The following WDR72 variants were observed in gnomAD, a reference collection of about 807,000 sequenced individuals.
WDR72 encodes the protein WD repeat-containing protein 72.
WDR72 carries 120 observed loss-of-function variants against 124.2 expected under a neutral mutation model. That is an observed-to-expected ratio of 0.97 (90% confidence interval 0.83 to 1.12). The LOEUF is 1.12. WDR72 is among the 50% of genes most tolerant of loss of function. WDR72 has a pLI of 0.00. For missense variants in WDR72, 1,387 were observed against 1,278.8 expected, an observed-to-expected ratio of 1.08 and a Z score of -1.29; for synonymous variants, 452 against 441.7, an observed-to-expected ratio of 1.02 and a Z score of -0.29.
chr15:53,590,693 A>T (rs962084692), intron 18 of WDR72, among the ~76,000 whole-genome samples: 1 of 152,050 alleles, frequency 6.6e-6, no homozygotes, highest in African/African-American at 2.4e-5. Context: ...CCGCTCTGCC[A>T]CTTGTTGGAA....
chr15:53,749,074 G>A (rs74015923), intron 1 of WDR72, among the ~76,000 whole-genome samples: 2,247 of 152,250 alleles, frequency 0.015, 50 homozygotes, highest in African/African-American at 0.051. Flanking sequence ...AGAGTGTCCA[G>A]GGAGGGAGCA....
intron 14 of WDR72, among the ~76,000 whole-genome samples, chr15:53,654,522 T>G (rs2015349025): frequency 6.6e-6 from 1 of 152,198 alleles, no homozygotes; most frequent in Admixed American, 6.5e-5. Context: ...CGTAGAACAT[T>G]AGATGAAGGC....
At chr15:53,546,336 A>C (rs934101990) in intron 18 of WDR72, among the ~76,000 whole-genome samples, 1 of 152,110 alleles carries the variant, frequency 6.6e-6, no homozygotes, top group Non-Finnish European at 1.5e-5. Flanking sequence ...ATGCAGCCAT[A>C]AATAATGATG....
chr15:53,657,422 G>A (rs1012831511), intron 14 of WDR72, among the ~76,000 whole-genome samples: 2 of 151,822 alleles, frequency 1.3e-5, no homozygotes, highest in Admixed American at 1.3e-4. Context: ...GTAAATGAAG[G>A]CAAATGTAAA....
intron 14 of WDR72, among the ~76,000 whole-genome samples, chr15:53,663,499 A>G: frequency 6.6e-6 from 1 of 152,336 alleles, no homozygotes; most frequent in South Asian, 2.1e-4. Context: ...ATCTATATAT[A>G]TTATTACCAC....
intron 14 of WDR72, among the ~76,000 whole-genome samples, chr15:53,632,809 G>A (rs72747342): frequency 0.047 from 7,138 of 152,348 alleles, 283 homozygotes; most frequent in Non-Finnish European, 0.062. Context: ...ACTTGTATGG[G>A]ACCCGTAGTC....
chr15:53,718,133 A>C (rs1301150777), intron 3 of WDR72, among the ~76,000 whole-genome samples: 1 of 152,156 alleles, frequency 6.6e-6, no homozygotes, highest in African/African-American at 2.4e-5. Context: ...ATGCATCAAC[A>C]ACCACCTGAT....
At chr15:53,588,494 T>C (rs1309480811) in intron 18 of WDR72, among the ~76,000 whole-genome samples, 1 of 151,996 alleles carries the variant, frequency 6.6e-6, no homozygotes, top group African/African-American at 2.4e-5. Flanking sequence ...GTTATTCAAA[T>C]TGTTCCAAGG....
At chr15:53,595,035 C>T (rs2012705983) in intron 18 of WDR72, among the ~76,000 whole-genome samples, 1 of 151,960 alleles carries the variant, frequency 6.6e-6, no homozygotes, top group Non-Finnish European at 1.5e-5. Flanking sequence ...GGTAATATTT[C>T]TGAAAATAAT....
chr15:53,690,507 GAT>G (rs2016803759), intron 13 of WDR72, among the ~76,000 whole-genome samples: 1 of 152,038 alleles, frequency 6.6e-6, no homozygotes, highest in African/African-American at 2.4e-5. Context: ...GCCTTTTTTG[GAT>G]ATGTCATATA....
chr15:53,732,668 T>A (rs1456610567), intron 2 of WDR72, among the ~76,000 whole-genome samples: 1 of 152,204 alleles, frequency 6.6e-6, no homozygotes, highest in Non-Finnish European at 1.5e-5. Flanking sequence ...TGAGCCATAA[T>A]TTTTAAAATT....
chr15:53,541,415 G>A (rs1173771618), intron 18 of WDR72, among the ~76,000 whole-genome samples: 1 of 151,628 alleles, frequency 6.6e-6, no homozygotes, highest in African/African-American at 2.4e-5. Context: ...TATTCCAACA[G>A]ACCTGCAGCT....
intron 14 of WDR72, among the ~76,000 whole-genome samples, chr15:53,620,635 A>G (rs1392390916): frequency 6.6e-6 from 1 of 152,120 alleles, no homozygotes; most frequent in African/African-American, 2.4e-5. Flanking sequence ...CTCACCTTAA[A>G]CAAAAATCAA....
intron 18 of WDR72, among the ~76,000 whole-genome samples, chr15:53,526,812 C>G (rs573245071): frequency 1.2e-4 from 18 of 152,134 alleles, no homozygotes; most frequent in African/African-American, 4.3e-4. Flanking sequence ...AGCTTAAAAT[C>G]AACTGTTTAT....
At chr15:53,558,410 G>A (rs757962077) in intron 18 of WDR72, among the ~76,000 whole-genome samples, 10 of 151,916 alleles carry the variant, frequency 6.6e-5, no homozygotes, top group Non-Finnish European at 1.2e-4. Flanking sequence ...AAACAAAAAC[G>A]AATTCTGAAA....
intron 18 of WDR72, among the ~76,000 whole-genome samples, chr15:53,592,430 C>T (rs1413467248): frequency 6.6e-6 from 1 of 152,066 alleles, no homozygotes; most frequent in African/African-American, 2.4e-5. Flanking sequence ...GCCAAGAAAG[C>T]CTGCCCTGGG....
intron 18 of WDR72, among the ~76,000 whole-genome samples, chr15:53,553,439 C>G (rs139178383): frequency 2.6e-4 from 39 of 152,206 alleles, no homozygotes; most frequent in Non-Finnish European, 1.9e-4. Flanking sequence ...ATTTCTGAAG[C>G]TGTTGTGTCA....
At position 53,665,581 on chromosome 15, in the gene WDR72, A is replaced by G. The variant is rs777110860; in HGVS notation, c.1953T>C (p.Ser651=). ...CTTGATTTGAACTTACCTTACATGAAGACTCCACCTGCAGACCAGGGCAAG... is the reference window on the plus strand; with the variant it reads ...CTTGATTTGAACTTACCTTACATGAGGACTCCACCTGCAGACCAGGGCAAG... ...PLPCPGLQVE[S]SCKVTDAKFC... The change falls in exon 14 of 20, where the codon TCT becomes TCC. Residue 651 remains serine, a synonymous_variant. Transcript: ENST00000360509. 1 of 1,613,832 alleles carries G rather than the reference A, an allele frequency of 6.2e-7. No individual in the cohort carries two copies. The highest frequency in any genetic ancestry group is 1.7e-5 in the Admixed American group (1 of 59,974).
intron 18 of WDR72, among the ~76,000 whole-genome samples, chr15:53,579,675 G>A (rs909804977): frequency 6.6e-6 from 1 of 152,092 alleles, no homozygotes; most frequent in Admixed American, 6.6e-5. Context: ...CTGAGCCTCA[G>A]TTTTCTTGGC....
Sources: allele counts gnomAD v4.1 joint callset (sites outside exome capture counted in the v4.1 genomes callset), GRCh38; gene constraint gnomAD v4.1.1; transcripts MANE v1.5; gene names NCBI Gene and HGNC (gene_info 2026-07-23, HGNC 2026-07-21).